ITGA6: variants seen among roughly 807,000 people sequenced by gnomAD.
ITGA6 encodes integrin alpha-6.
A neutral mutation model predicts 133.6 loss-of-function variants in ITGA6; 63 were observed. That is an observed-to-expected ratio of 0.47 (90% CI 0.38 to 0.58). The LOEUF is 0.58. Among genes scored for constraint, ITGA6 ranks in the 20% least tolerant of loss-of-function variants. The pLI is 0.00. For synonymous variants in ITGA6, 434 were observed against 482.0 expected (o/e 0.90, Z 1.30); for missense variants, 1,068 against 1,309.4 (o/e 0.82, Z 2.85).
intron 11 of ITGA6, among the ~76,000 whole-genome samples, chr2:172,481,579 T>C (rs1308060653): frequency 6.6e-6 from 1 of 152,166 alleles, no homozygotes; most frequent in Non-Finnish European, 1.5e-5. Context: ...TGTCATAAGC[T>C]CAGTTAGCCT....
Position 172,473,034 on chromosome 2 carries a change from T to C in ITGA6, c.776-1021T>C, listed in dbSNP as rs963836637. On this transcript the variant is annotated intron_variant, in intron 5 of 25. Coordinates refer to ENST00000684293, the MANE Select transcript of ITGA6 (RefSeq NM_000210.4). ...ACAAAAAGCATGCCATGGCTGGGGC[T>C]CTGTGGCCAGATGGTTGTAAGAGCT... 7.0e-4 allele frequency: 428 copies of C among 614,842 alleles called. 2 individuals carry two copies. The highest frequency in any genetic ancestry group is 9.3e-5 in the Non-Finnish European group (32 of 342,492). 38.1% of individuals were successfully genotyped at this position (614,842 alleles called of 1,614,324 possible).
Position 172,506,250 on chromosome 2 carries a change from G to T in ITGA6, c.*2182G>T, listed in dbSNP as rs1687557942. On this transcript the variant is annotated 3_prime_UTR_variant, in exon 26 of 26. Transcript: ENST00000684293. ...TGAAGCAAACTCTAAAATTATAAAT[G>T]ACAACCTGAATTATCTATTTCATCA... The T allele has an allele frequency of 6.6e-6, 1 of 152,558 alleles. No homozygotes were observed. The highest frequency in any genetic ancestry group is 2.1e-4 in the South Asian group (1 of 4,826). 9.5% of individuals were successfully genotyped at this position (152,558 alleles called of 1,614,324 possible). A position where few individuals can be genotyped will look rare whatever the true frequency, so the allele number is the denominator to read the frequency against.
chr2:172,482,997 A>G (rs1275995150), intron 11 of ITGA6, among the ~76,000 whole-genome samples: 2 of 152,138 alleles, frequency 1.3e-5, no homozygotes, highest in Non-Finnish European at 2.9e-5. Context: ...GACTGATGTG[A>G]TCCTTGTCCT....
rs1408103378 is a variant in ITGA6 at position 172,480,059 on chromosome 2, C to G, written c.1549+8C>G. The G allele has an allele frequency of 2.0e-6, 3 of 1,466,456 alleles. No individual in the cohort carries two copies. The highest frequency in any genetic ancestry group is 1.9e-6 in the Non-Finnish European group (2 of 1,045,728). The allele number at this position is 1,466,456 out of a possible 1,614,324, so 90.8% of individuals were successfully genotyped here. ...GTTATAATCCTTCAATATGTAAGTA[C>G]CTAGTACCTTTAAAATATGTCTACT... On this transcript the variant is annotated splice_region_variant and intron_variant, in intron 11 of 25. Coordinates refer to ENST00000684293, the MANE Select transcript of ITGA6 (RefSeq NM_000210.4).
intron 25 of ITGA6, among the ~76,000 whole-genome samples, chr2:172,502,237 T>G (rs375563200): frequency 6.6e-5 from 10 of 152,324 alleles, no homozygotes; most frequent in East Asian, 5.8e-4. Flanking sequence ...TAATTCGGTA[T>G]GTAGCATTCC....
At chr2:172,467,352 G>A in intron 2 of ITGA6, 129 bp from the exon 3 acceptor site, 1 of 705,614 alleles carries the variant, frequency 1.4e-6, no homozygotes. Context: ...TCTGGATTGA[G>A]TAACTGAATT....
chr2:172,460,050 TG>T (rs779803884), intron 1 of ITGA6, among the ~76,000 whole-genome samples: 4 of 152,146 alleles, frequency 2.6e-5, no homozygotes, highest in Non-Finnish European at 5.9e-5. Flanking sequence ...ACAAAGCAAT[TG>T]ATAGAATGTA....
rs1377277731 is a variant in ITGA6, at chr2:172,475,006, T to C, written c.1064T>C (p.Met355Thr). The C allele has an allele frequency of 1.9e-6, 3 of 1,592,686 alleles. No homozygotes were observed. Among genetic ancestry groups the C allele is most frequent in the African/African-American group, 1.3e-5 (1 of 74,440 alleles). The change falls in exon 7 of 26, where the codon ATG becomes ACG. Residue 355 changes from methionine (M) to threonine (T), a missense_variant. Coordinates refer to ENST00000684293, the MANE Select transcript of ITGA6 (RefSeq NM_000210.4). ...GTTGGAGGTGCAGTGTATGTCTACA[T>C]GAACCAGCAAGGCAGATGGAATAAT... Reference protein sequence around the residue: ...GEVGGAVYVYMNQQGRWNNVK... With the variant: ...GEVGGAVYVYTNQQGRWNNVK...
chr2:172,464,037 G>A (rs1041447795), intron 1 of ITGA6, among the ~76,000 whole-genome samples: 1 of 152,148 alleles, frequency 6.6e-6, no homozygotes, highest in Non-Finnish European at 1.5e-5. Context: ...ACCTTGGTGT[G>A]TGCTGTTTTG....
At chr2:172,439,219 C>G (rs935823903) in intron 1 of ITGA6, among the ~76,000 whole-genome samples, 4 of 151,842 alleles carry the variant, frequency 2.6e-5, no homozygotes, top group Admixed American at 6.6e-5. Context: ...CTTCCTGTTC[C>G]TGCTGGCCTG....
At position 172,427,764 on chromosome 2, in the gene ITGA6, C is replaced by T. The variant is rs779715419; in HGVS notation, c.-25C>T. 1.1e-5 allele frequency: 17 copies of T among 1,561,910 alleles called. No individual in the cohort carries two copies. In the South Asian group the frequency reaches 1.8e-4, roughly 16 times the overall value. ...GCGCAGGGCGGCCGCTGCAGGTCCC[C>T]GCTCCCCTCCCCGTGCGTCCGCCCA... On this transcript the variant is annotated 5_prime_UTR_variant, in exon 1 of 26. Transcript: ENST00000684293.
At chr2:172,451,478 A>AT (rs1224707746) in intron 1 of ITGA6, among the ~76,000 whole-genome samples, 1 of 148,590 alleles carries the variant, frequency 6.7e-6, no homozygotes, top group African/African-American at 2.5e-5. Context: ...AAAAAAAAAA[A>AT]GGGAATGCTT....
chr2:172,438,446 A>C (rs767267117), intron 1 of ITGA6, among the ~76,000 whole-genome samples: 30 of 151,834 alleles, frequency 2.0e-4, no homozygotes, highest in Non-Finnish European at 3.7e-4. Context: ...CATTAGCCCT[A>C]AGTTACTCAG....
At position 172,497,021 on chromosome 2, in the gene ITGA6, C is replaced by T. The variant is rs140711146; in HGVS notation, c.2989-954C>T. On this transcript the variant is annotated intron_variant, in intron 23 of 25. Transcript: ENST00000684293. Reference sequence around the variant, plus strand: ...CTTTTTGTAGAAGATGGCACCAAGCCATTTCAGGAAATGTTATTGTTTATG... The same window carrying T: ...CTTTTTGTAGAAGATGGCACCAAGCTATTTCAGGAAATGTTATTGTTTATG... 3.5e-3 allele frequency among the ~76,000 whole-genome samples: 536 copies of T among 152,252 alleles called. 2 individuals carry two copies. Among genetic ancestry groups the T allele is most frequent in the African/African-American group, 0.012 (485 of 41,546 alleles).
intron 25 of ITGA6, among the ~76,000 whole-genome samples, chr2:172,502,978 C>A (rs571525020): frequency 2.0e-5 from 3 of 151,098 alleles, no homozygotes; most frequent in Non-Finnish European, 4.4e-5. Context: ...TTTTTTTGCA[C>A]AGAATAATAA....
chr2:172,431,442 C>G (rs1574307898), intron 1 of ITGA6, among the ~76,000 whole-genome samples: 1 of 152,200 alleles, frequency 6.6e-6, no homozygotes, highest in Non-Finnish European at 1.5e-5. Flanking sequence ...ATGCATAGGT[C>G]AGGGCTATCT....
intron 24 of ITGA6, among the ~76,000 whole-genome samples, chr2:172,500,576 G>C (rs1028729813): frequency 6.6e-6 from 1 of 152,210 alleles, no homozygotes; most frequent in Non-Finnish European, 1.5e-5. Flanking sequence ...CTTGCAGTGA[G>C]CCAAGATCGT....
chr2:172,469,428 TG>T (rs1165274275), intron 4 of ITGA6, 48 bp downstream of exon 4: 1 of 1,134,270 alleles, frequency 8.8e-7, no homozygotes. Flanking sequence ...CCCTAATTTC[TG>T]TAATATGATT....
chr2:172,444,828 G>C (rs972109379), intron 1 of ITGA6, among the ~76,000 whole-genome samples: 1 of 151,408 alleles, frequency 6.6e-6, no homozygotes, highest in Admixed American at 6.6e-5. Context: ...TGTAGCTCCC[G>C]TGCTATGGCC....
Sources: gnomAD v4.1 joint callset for allele counts (sites outside exome capture counted in the v4.1 genomes callset) on GRCh38, gnomAD v4.1.1 for gene constraint, MANE v1.5 for transcripts, NCBI Gene and HGNC (gene_info 2026-07-23, HGNC 2026-07-21) for gene names.